Variants in NCAPG observed in about 807,000 individuals in gnomAD.
The protein encoded by NCAPG is non-SMC condensin I complex subunit G, also known as condensin complex subunit 3.
NCAPG carries 69 observed loss-of-function variants against 113.1 expected under a neutral mutation model. The ratio of observed to expected loss-of-function variants is 0.61; its 90% CI spans 0.50 to 0.75. The LOEUF (loss-of-function observed/expected upper bound fraction) is 0.75, where lower values mean the gene tolerates loss of function less well. Ranked by LOEUF, NCAPG falls within the 30% of genes least tolerant of loss-of-function variation. The pLI is 0.00. For synonymous variants in NCAPG, 370 were observed against 415.8 expected (o/e 0.89, Z 1.34); for missense variants, 1,058 against 1,177.0 (o/e 0.90, Z 1.48).
chr4:17,819,146 T>C (rs1325195742), intron 7 of NCAPG, among the ~76,000 whole-genome samples: 1 of 152,180 alleles, frequency 6.6e-6, no homozygotes, highest in Middle Eastern at 3.2e-3. Flanking sequence ...TATAATGTAA[T>C]AGATACTGTT....
intron 13 of NCAPG, among the ~76,000 whole-genome samples, chr4:17,832,798 G>A (rs1241301671): frequency 6.6e-6 from 1 of 152,096 alleles, no homozygotes; most frequent in Non-Finnish European, 1.5e-5. Context: ...GGGCTAAGGT[G>A]AATTGGACAG....
chr4:17,837,576 C>G (rs760165841), intron 15 of NCAPG, 51 bp from the exon 16 acceptor site: 1 of 1,543,472 alleles, frequency 6.5e-7, no homozygotes, highest in Non-Finnish European at 8.8e-7. Context: ...CATACTTTTT[C>G]TCTCATCAAA....
intron 5 of NCAPG, among the ~76,000 whole-genome samples, chr4:17,816,743 G>C (rs1384609563): frequency 1.3e-5 from 2 of 152,198 alleles, no homozygotes; most frequent in Non-Finnish European, 2.9e-5. Context: ...ATTTTTGTAG[G>C]CTGTGGTATT....
In NCAPG at chr4:17,814,955, G is replaced by A. The variant is rs757112253; in HGVS notation, c.647G>A (p.Arg216His). The A allele has an allele frequency of 3.1e-6, 5 of 1,614,142 alleles. No individual in the cohort carries two copies. The highest frequency in any genetic ancestry group is 1.6e-4 in the Middle Eastern group (1 of 6,062). ...SAKTLPKIVGRTKDVKEAVRK... is the reference protein window; with the variant it reads ...SAKTLPKIVGHTKDVKEAVRK... ...AAGACTTTGCCAAAAATTGTAGGGC[G>A]CACCAAGGATGTGAAAGAGGCTGTC... Residue 216 changes from arginine (R) to histidine (H), a missense_variant, in exon 4 of 21, where the codon CGC becomes CAC. Coordinates refer to ENST00000251496, the MANE Select transcript of NCAPG (RefSeq NM_022346.5).
chr4:17,841,395 TG>T, intron 19 of NCAPG: 1 of 152,110 alleles, frequency 6.6e-6, no homozygotes, highest in Admixed American at 6.6e-5. Flanking sequence ...AAATGGAGTC[TG>T]GTCATAATAT....
intron 7 of NCAPG, among the ~76,000 whole-genome samples, chr4:17,821,487 G>A (rs1315663609): frequency 1.8e-5 from 2 of 110,344 alleles, no homozygotes; most frequent in Admixed American, 1.2e-4. Context: ...TTTAAGAGAC[G>A]TAGTCTTGCT....
intron 3 of NCAPG, among the ~76,000 whole-genome samples, chr4:17,813,548 C>A (rs950520889): frequency 6.6e-6 from 1 of 151,934 alleles, no homozygotes; most frequent in Non-Finnish European, 1.5e-5. Context: ...CCCATTTTTT[C>A]ATTGGGTTTT....
In NCAPG at chr4:17,823,653, A is replaced by T; in HGVS notation, c.1266A>T (p.Lys422Asn). ...LDTSEEGGRK[K>N]LLAVLQEILI... ...TAGTTCTTTTTGACTGCAGAAAAAA[A>T]CTGCTGGCTGTTTTACAGGAGATTC... The change falls in exon 9 of 21, where the codon AAA becomes AAT. Residue 422 changes from lysine (K) to asparagine (N), a missense_variant. Physicochemically the swap from Lys to Asn is moderately conservative, Grantham distance 94. Coordinates refer to ENST00000251496, the MANE Select transcript of NCAPG (RefSeq NM_022346.5). 6.2e-7 allele frequency: 1 copy of T among 1,605,532 alleles called. No homozygotes were observed. The highest frequency in any genetic ancestry group is 8.5e-7 in the Non-Finnish European group (1 of 1,176,660).
At chr4:17,831,334 ACATAG>A (rs1721863424) in intron 13 of NCAPG, among the ~76,000 whole-genome samples, 1 of 152,246 alleles carries the variant, frequency 6.6e-6, no homozygotes, top group Non-Finnish European at 1.5e-5. Flanking sequence ...TTAATTATTC[ACATAG>A]CAAATACTTA....
Position 17,818,094 on chromosome 4 carries a change from T to C in NCAPG, c.1118+6T>C, listed in dbSNP as rs774535583. 22 of 1,588,652 alleles carry C rather than the reference T, an allele frequency of 1.4e-5. 1 individual carries two copies. The Middle Eastern group carries it at 1.0e-3, about 73-fold the overall frequency. On this transcript the variant is annotated splice_donor_region_variant and intron_variant, in intron 7 of 20. Transcript: ENST00000251496. Reference sequence around the variant, plus strand: ...TATGCAGACTATTTATTGAGGTAAATTTTTTTTCTTTTAGTTTGGAGAGTG... The same window carrying C: ...TATGCAGACTATTTATTGAGGTAAACTTTTTTTCTTTTAGTTTGGAGAGTG...
intron 13 of NCAPG, among the ~76,000 whole-genome samples, chr4:17,833,440 C>T (rs7658568): frequency 0.2 from 30,484 of 150,144 alleles, 3,656 homozygotes; most frequent in African/African-American, 0.33. Context: ...GGCTGGGCAA[C>T]AGAGTGACAC....
intron 7 of NCAPG, among the ~76,000 whole-genome samples, chr4:17,818,655 T>G (rs1346725548): frequency 6.6e-6 from 1 of 152,224 alleles, no homozygotes; most frequent in African/African-American, 2.4e-5. Context: ...AGGCTGGATT[T>G]GATGCACGGA....
rs373602347 is a variant in NCAPG, at chr4:17,837,649, G to T, written c.2314G>T (p.Glu772Ter). The T allele has an allele frequency of 1.9e-5, 30 of 1,613,660 alleles. No homozygotes were observed. The highest frequency in any genetic ancestry group is 2.5e-5 in the Non-Finnish European group (29 of 1,179,850). Residue 772 changes from glutamate (E) to a stop codon, truncating the protein, a stop_gained, in exon 16 of 21, where the codon GAA becomes TAA. Transcript: ENST00000251496. LOFTEE classifies it high-confidence loss of function. ...TAGGACTAATCAGGAATGCTTTGAA[G>T]AAGCTTTTCTTCCAACCCTGCAAAC... ...ASRTNQECFE[E>*]AFLPTLQTLA...
rs1720893494 is a variant in NCAPG at position 17,811,020 on chromosome 4, G to T, written c.-58G>T. The T allele has an allele frequency of 9.0e-7, 1 of 1,109,866 alleles. No homozygotes were observed. The highest frequency in any genetic ancestry group is 3.2e-5 in the East Asian group (1 of 31,544). 68.8% of individuals were successfully genotyped at this position (1,109,866 alleles called of 1,614,324 possible). A position where few individuals can be genotyped will look rare whatever the true frequency, so the allele number is the denominator to read the frequency against. ...CGGAGAGCGCTGCCTCTGGGTTGGC[G>T]GGCTGGCAGGCTGTAGCCGAGCGCG... On this transcript the variant is annotated 5_prime_UTR_variant, in exon 1 of 21. Coordinates refer to ENST00000251496, the MANE Select transcript of NCAPG (RefSeq NM_022346.5). This position sits in a 1 kb window ranked among gnomAD's most constrained non-coding sequence, Gnocchi z 5.3.
chr4:17,823,860 C>A (rs1721553630), intron 9 of NCAPG, 90 bp downstream of exon 9: 16 of 1,154,080 alleles, frequency 1.4e-5, no homozygotes, highest in Non-Finnish European at 2.0e-5. Context: ...TTTGTTTTGT[C>A]TGTTTTGTTT....
In NCAPG at chr4:17,811,131, G is replaced by A. The variant is rs201387232; in HGVS notation, c.54G>A (p.Gln18=). 50 of 1,520,772 alleles carry A rather than the reference G, an allele frequency of 3.3e-5. No individual in the cohort carries two copies. The highest frequency in any genetic ancestry group is 4.3e-5 in the Non-Finnish European group (49 of 1,134,282). 94.2% of individuals were successfully genotyped at this position (1,520,772 alleles called of 1,614,324 possible). The change falls in exon 1 of 21, where the codon CAG becomes CAA. Residue 18 remains glutamine, a synonymous_variant. Coordinates refer to ENST00000251496, the MANE Select transcript of NCAPG (RefSeq NM_022346.5). This position sits in a 1 kb window ranked among gnomAD's most constrained non-coding sequence, Gnocchi z 5.3. ...LSIKEAFRLA[Q]QPHQNQAKLV... Reference sequence around the variant, plus strand: ...TTAAGGAGGCCTTTCGGCTGGCGCAGCAGCCGCACCAGAACCAGGCGAAGC... The same window carrying A: ...TTAAGGAGGCCTTTCGGCTGGCGCAACAGCCGCACCAGAACCAGGCGAAGC...
At position 17,843,461 on chromosome 4, in the gene NCAPG, T is replaced by G. The variant is rs1304388819; in HGVS notation, c.*36T>G. 1 of 1,600,996 alleles carries G rather than the reference T, an allele frequency of 6.2e-7. No homozygotes were observed. The highest frequency in any genetic ancestry group is 1.7e-5 in the Admixed American group (1 of 58,518). ...GGAGGTGGAATCCTTTAAGATTATG[T>G]CCAGTTATTTGCTTTAATAAAGAAG... is the stretch of plus-strand genomic sequence containing the variant. On this transcript the variant is annotated 3_prime_UTR_variant, in exon 21 of 21. Transcript: ENST00000251496.
intron 5 of NCAPG, 61 bp downstream of exon 5, chr4:17,815,419 G>A: frequency 3.1e-6 from 4 of 1,276,130 alleles, no homozygotes; most frequent in Non-Finnish European, 3.3e-6. Flanking sequence ...GACTTAACAA[G>A]GTTTAAGAAA....
At position 17,825,594 on chromosome 4, in the gene NCAPG, G is replaced by T. The variant is rs201986135; in HGVS notation, c.1653+33G>T. The T allele has an allele frequency of 1.0e-4, 156 of 1,526,814 alleles. No individual in the cohort carries two copies. The Middle Eastern group carries it at 1.5e-3, about 15-fold the overall frequency. The allele number at this position is 1,526,814 out of a possible 1,614,324, so 94.6% of individuals were successfully genotyped here. On this transcript the variant is annotated intron_variant, in intron 11 of 20. Coordinates refer to ENST00000251496, the MANE Select transcript of NCAPG (RefSeq NM_022346.5). ...TAACTTTTTTCATACTAAATCTCAG[G>T]TGTTATTAATCATCTCAACTAAATC...
Sources: allele counts gnomAD v4.1 joint callset (sites outside exome capture counted in the v4.1 genomes callset), GRCh38; gene constraint gnomAD v4.1.1; non-coding constraint Gnocchi (gnomAD v3.1); transcripts MANE v1.5; gene names NCBI Gene and HGNC (gene_info 2026-07-23, HGNC 2026-07-21).